Variants in CCDC149 observed in about 807,000 individuals in gnomAD.
The protein encoded by CCDC149 is coiled-coil domain containing 149.
A neutral mutation model predicts 59.9 loss-of-function variants in CCDC149; 45 were observed. The observed-to-expected ratio is 0.75, with a 90% CI of 0.59 to 0.96. CCDC149 has a LOEUF of 0.96. Ranked by LOEUF, CCDC149 falls within the 40% of genes least tolerant of loss-of-function variation. The probability of loss-of-function intolerance (pLI) is 0.00; values close to 1 mark genes in which losing one functional copy is unlikely to be tolerated. For synonymous variants in CCDC149, 245 were observed against 260.6 expected (o/e 0.94, Z 0.58); for missense variants, 584 against 664.7 (o/e 0.88, Z 1.33).
chr4:24,867,690 G>A (rs887885715), intron 3 of CCDC149, among the ~76,000 whole-genome samples: 1 of 152,182 alleles, frequency 6.6e-6, no homozygotes, highest in Non-Finnish European at 1.5e-5. Flanking sequence ...AAGGCCCATG[G>A]CTTTCAACAG....
chr4:24,959,810 A>G (rs979648540), intron 1 of CCDC149, among the ~76,000 whole-genome samples: 2 of 152,224 alleles, frequency 1.3e-5, no homozygotes, highest in African/African-American at 4.8e-5. Flanking sequence ...CCAAGCAAAA[A>G]TACCATTTAA....
Position 24,834,959 on chromosome 4 carries a change from G to A in CCDC149, c.809C>T (p.Ser270Phe). The A allele has an allele frequency of 6.2e-7, 1 of 1,613,344 alleles. No individual in the cohort carries two copies. Among genetic ancestry groups the A allele is most frequent in the Non-Finnish European group, 8.5e-7 (1 of 1,179,408 alleles). Residue 270 changes from serine (S) to phenylalanine (F), a missense_variant, in exon 8 of 13, where the codon TCT becomes TTT. Transcript: ENST00000635206. ...GCATGATATCCTACCTTGCTTTGCA[G>A]ACAGGACTCCTGTCAGAGCACTGCT... is the stretch of plus-strand genomic sequence containing the variant.
At position 24,808,293 on chromosome 4, in the gene CCDC149, T is replaced by C; in HGVS notation, c.*96A>G. 8.5e-7 allele frequency: 1 copy of C among 1,171,344 alleles called. No homozygotes were observed. The highest frequency in any genetic ancestry group is 1.1e-6 in the Non-Finnish European group (1 of 876,076). 72.6% of individuals were successfully genotyped at this position (1,171,344 alleles called of 1,614,324 possible). A position where few individuals can be genotyped will look rare whatever the true frequency, so the allele number is the denominator to read the frequency against. ...TTCTCACTTGCAGACTCGGAGGTAT[T>C]TCAGGAGAAGGCGACGTGAGCGCAC... is the stretch of plus-strand genomic sequence containing the variant. On this transcript the variant is annotated 3_prime_UTR_variant, in exon 13 of 13. Transcript: ENST00000635206.
intron 1 of CCDC149, among the ~76,000 whole-genome samples, chr4:24,882,813 A>AT (rs1482445434): frequency 1.3e-5 from 2 of 152,166 alleles, no homozygotes; most frequent in Non-Finnish European, 2.9e-5. Context: ...TAGATATGGA[A>AT]TTTTTTATTG....
intron 2 of CCDC149, among the ~76,000 whole-genome samples, chr4:24,874,729 C>T (rs1276738423): frequency 6.6e-6 from 1 of 152,178 alleles, no homozygotes; most frequent in Non-Finnish European, 1.5e-5. Context: ...CGATTTTAAC[C>T]TGAGGAATCT....
intron 3 of CCDC149, among the ~76,000 whole-genome samples, chr4:24,858,935 A>C (rs1394406532): frequency 6.6e-6 from 1 of 152,194 alleles, no homozygotes; most frequent in African/African-American, 2.4e-5. Context: ...CTGCACTCTG[A>C]ACTCTAGCTC....
downstream of CCDC149, among the ~76,000 whole-genome samples, chr4:24,804,840 C>T (rs1714074402): frequency 6.6e-6 from 1 of 152,110 alleles, no homozygotes; most frequent in Non-Finnish European, 1.5e-5. Flanking sequence ...AGGGAGGTCA[C>T]AGAAGAGGAG....
chr4:24,899,405 G>A (rs1429468860), intron 1 of CCDC149, among the ~76,000 whole-genome samples: 5 of 152,176 alleles, frequency 3.3e-5, no homozygotes, highest in Non-Finnish European at 7.3e-5. Context: ...AGTTCCTGGG[G>A]ACATGGCCAG....
intron 1 of CCDC149, among the ~76,000 whole-genome samples, chr4:24,956,852 G>A (rs1465244625): frequency 3.9e-5 from 6 of 152,222 alleles, no homozygotes; most frequent in Non-Finnish European, 7.3e-5. Flanking sequence ...TTGAGAAAGT[G>A]TATACAATCT....
rs1030369389 is a variant in CCDC149, at chr4:24,939,924, G to A, written c.-65+40145C>T. ...AAGACCAAATCTACGTCTCATTGGC[G>A]TACCTGAAAGTGACGGGGAGAATGG... On this transcript the variant is annotated intron_variant, in intron 1 of 12. Transcript: ENST00000389609. 1.2e-4 allele frequency among the ~76,000 whole-genome samples: 19 copies of A among 152,348 alleles called. 1 individual carries two copies. The highest frequency in any genetic ancestry group is 6.5e-4 in the Admixed American group (10 of 15,310).
intron 1 of CCDC149, among the ~76,000 whole-genome samples, chr4:24,969,527 A>G (rs756820904): frequency 6.6e-6 from 1 of 152,174 alleles, no homozygotes; most frequent in Non-Finnish European, 1.5e-5. Flanking sequence ...CGATATAATG[A>G]ACTCTTGAAT....
intron 1 of CCDC149, among the ~76,000 whole-genome samples, chr4:24,894,128 G>A (rs940608349): frequency 8.5e-5 from 13 of 152,150 alleles, no homozygotes; most frequent in Non-Finnish European, 1.3e-4. Flanking sequence ...AAAGTCATAT[G>A]TCAAGCATCC....
At chr4:24,956,915 A>C (rs1560269123) in intron 1 of CCDC149, among the ~76,000 whole-genome samples, 1 of 152,226 alleles carries the variant, frequency 6.6e-6, no homozygotes, top group Non-Finnish European at 1.5e-5. Flanking sequence ...AGAGCATGAA[A>C]GAGCTCTGTA....
Position 24,838,200 on chromosome 4 carries a change from C to T in CCDC149, c.445G>A (p.Glu149Lys), listed in dbSNP as rs374446603. The T allele has an allele frequency of 2.5e-6, 4 of 1,614,108 alleles. No individual in the cohort carries two copies. Among genetic ancestry groups the T allele is most frequent in the Non-Finnish European group, 3.4e-6 (4 of 1,180,046 alleles). ...AGCTGCTGCACCAAGTCTTCACGCT[C>T]ATGGGCTGCAAAGTGTCGCACGCCG... is the stretch of plus-strand genomic sequence containing the variant. Residue 149 changes from glutamate (E) to lysine (K), a missense_variant, in exon 5 of 13, where the codon GAG becomes AAG. Physicochemically the swap from Glu to Lys is moderately conservative, Grantham distance 56. Coordinates refer to ENST00000635206, the MANE Select transcript of CCDC149 (RefSeq NM_001330643.2).
intron 1 of CCDC149, among the ~76,000 whole-genome samples, chr4:24,939,660 G>T (rs1158528054): frequency 6.6e-6 from 1 of 152,054 alleles, no homozygotes; most frequent in African/African-American, 2.4e-5. Flanking sequence ...AAAAATAGAC[G>T]AATGGATAAC....
chr4:24,912,510 C>T (rs1318001309), intron 1 of CCDC149, among the ~76,000 whole-genome samples: 1 of 152,130 alleles, frequency 6.6e-6, no homozygotes, highest in African/African-American at 2.4e-5. Context: ...GCAGGTGGGG[C>T]TTGGCACCTT....
chr4:24,931,825 G>GTAGGTATATA (rs1722594919), intron 1 of CCDC149, among the ~76,000 whole-genome samples: 1 of 70,456 alleles, frequency 1.4e-5, no homozygotes. Flanking sequence ...TGTATGGAGA[G>GTAGGTATATA]TATGTATATA....
intron 3 of CCDC149, 78 bp downstream of exon 3, chr4:24,873,603 T>C (rs1386204278): frequency 1.0e-5 from 10 of 966,864 alleles, no homozygotes; most frequent in Admixed American, 5.5e-5. Context: ...GGAAGTTCTC[T>C]ACATTTTGAG....
At chr4:24,832,169 T>C (rs1428065786) in intron 8 of CCDC149, among the ~76,000 whole-genome samples, 1 of 152,234 alleles carries the variant, frequency 6.6e-6, no homozygotes, top group African/African-American at 2.4e-5. Context: ...TATTTTGTAT[T>C]TTAGTAGCTA....
Sources: gnomAD v4.1 joint callset for allele counts (sites outside exome capture counted in the v4.1 genomes callset) on GRCh38, gnomAD v4.1.1 for gene constraint, MANE v1.5 for transcripts, NCBI Gene and HGNC (gene_info 2026-07-23, HGNC 2026-07-21) for gene names.